TMED10: variants seen among roughly 807,000 people sequenced by gnomAD.
TMED10 encodes the protein transmembrane p24 trafficking protein 10.
A neutral mutation model predicts 23.1 loss-of-function variants in TMED10; 7 were observed. The observed-to-expected ratio is 0.30, with a 90% CI of 0.17 to 0.57. The LOEUF is 0.57. Ranked by LOEUF, TMED10 falls within the 20% of genes least tolerant of loss-of-function variation. The pLI, the probability that TMED10 is intolerant of heterozygous loss-of-function variation, is 0.91. For missense variants in TMED10, 162 were observed against 274.8 expected (o/e 0.59, Z 2.90); for synonymous variants, 113 against 106.9 (o/e 1.06, Z -0.35).
rs561296133 is a variant in TMED10, at chr14:75,154,328, G to A, written c.226-2185C>T. Reference sequence around the variant, plus strand: ...GAGGCAGGATAATCGCTTGAACCCGGGAGGCAGAAGTTGCGGTGAGCCGAG... The same window carrying A: ...GAGGCAGGATAATCGCTTGAACCCGAGAGGCAGAAGTTGCGGTGAGCCGAG... On this transcript the variant is annotated intron_variant, in intron 1 of 4. Coordinates refer to ENST00000303575, the MANE Select transcript of TMED10 (RefSeq NM_006827.6). 2.1e-5 allele frequency among the ~76,000 whole-genome samples: 3 copies of A among 139,676 alleles called. No homozygotes were observed. In the South Asian group the frequency reaches 7.0e-4, roughly 33 times the overall value. The allele number at this position is 139,676 out of a possible 152,430, so 91.6% of individuals were successfully genotyped here.
At chr14:75,141,422 A>C (rs1895821432) in intron 3 of TMED10, among the ~76,000 whole-genome samples, 1 of 152,192 alleles carries the variant, frequency 6.6e-6, no homozygotes, top group Non-Finnish European at 1.5e-5. Flanking sequence ...GGATAATAGC[A>C]AATAAAAGGC....
At chr14:75,164,780 G>A (rs1267661091) in intron 1 of TMED10, among the ~76,000 whole-genome samples, 3 of 147,612 alleles carry the variant, frequency 2.0e-5, no homozygotes, top group African/African-American at 7.6e-5. Flanking sequence ...GATAAATTGT[G>A]CTATGTTCAC....
intron 3 of TMED10, 92 bp downstream of exon 3, chr14:75,147,572 G>T: frequency 7.7e-7 from 1 of 1,301,610 alleles, no homozygotes; most frequent in Non-Finnish European, 1.1e-6. Flanking sequence ...ACAGCCCTTT[G>T]GGCAAAGCAC....
chr14:75,152,119 G>A lies in TMED10; in HGVS notation c.250C>T (p.Leu84Phe), dbSNP rs1044655604. The A allele has an allele frequency of 5.0e-6, 8 of 1,613,718 alleles. No individual in the cohort carries two copies. Among genetic ancestry groups the A allele is most frequent in the Middle Eastern group, 1.6e-4 (1 of 6,080 alleles). The change falls in exon 2 of 5, where the codon CTC (leucine) becomes TTC (phenylalanine). Residue 84 changes from leucine (L) to phenylalanine (F), a missense_variant. This residue lies in a region of TMED10 where 126 missense variants were observed against 239.5 expected (regional missense o/e 0.53). Transcript: ENST00000303575. Reference sequence around the variant, plus strand: ...TTGGTTGCATCCTCTTTGGAGTAGAGAATATGGCCAGCAGAATCTGTGATC... The same window carrying A: ...TTGGTTGCATCCTCTTTGGAGTAGAAAATATGGCCAGCAGAATCTGTGATC... ...LKITDSAGHI[L>F]YSKEDATKGK...
chr14:75,164,700 G>C (rs1051902008), intron 1 of TMED10, among the ~76,000 whole-genome samples: 1 of 145,954 alleles, frequency 6.9e-6, no homozygotes, highest in Admixed American at 7.2e-5. Flanking sequence ...TAGGATTACA[G>C]ACGTAAGCCA....
At chr14:75,166,976 C>CT (rs1212682636) in intron 1 of TMED10, among the ~76,000 whole-genome samples, 13 of 136,852 alleles carry the variant, frequency 9.5e-5, no homozygotes, top group African/African-American at 3.6e-4. Flanking sequence ...GAGTCTCACT[C>CT]TGTCGCCCAG....
rs781040862 is a variant in TMED10, at chr14:75,135,017, A to AT, written c.539-12_539-11insA. The AT allele has an allele frequency of 3.1e-6, 5 of 1,613,776 alleles. No homozygotes were observed. Among genetic ancestry groups the AT allele is most frequent in the Middle Eastern group, 1.6e-4 (1 of 6,062 alleles). On this transcript the variant is annotated splice_polypyrimidine_tract_variant and intron_variant, in intron 4 of 4. Coordinates refer to ENST00000303575, the MANE Select transcript of TMED10 (RefSeq NM_006827.6). ...GAGTGTTTGTTGACTCTAAAAAAAA[A>AT]CAAAAGCATTGTAAACATAATGAAG...
intron 3 of TMED10, among the ~76,000 whole-genome samples, chr14:75,142,637 C>T (rs1490165470): frequency 6.6e-6 from 1 of 152,162 alleles, no homozygotes; most frequent in African/African-American, 2.4e-5. Context: ...TATCCTGTCC[C>T]TCCACACTAG....
chr14:75,143,890 C>T (rs2139836941), intron 3 of TMED10, among the ~76,000 whole-genome samples: 1 of 147,690 alleles, frequency 6.8e-6, no homozygotes, highest in South Asian at 2.1e-4. Flanking sequence ...GCTAAGATCA[C>T]GCCACTGCAC....
intron 3 of TMED10, 96 bp from the exon 4 acceptor site, chr14:75,135,982 A>C: frequency 5.9e-6 from 9 of 1,519,620 alleles, no homozygotes; most frequent in Non-Finnish European, 8.0e-6. Flanking sequence ...AAGTTTCACC[A>C]GATTTAAATT....
intron 1 of TMED10, among the ~76,000 whole-genome samples, chr14:75,173,075 T>G (rs1896254843): frequency 6.6e-6 from 1 of 152,208 alleles, no homozygotes. Flanking sequence ...AAATCTGGTG[T>G]TCCTATTTCA....
chr14:75,158,079 A>G (rs545694076), intron 1 of TMED10, among the ~76,000 whole-genome samples: 156 of 152,332 alleles, frequency 1.0e-3, no homozygotes, highest in African/African-American at 3.5e-3. Context: ...AGTGGCCAAG[A>G]AAGACTAATA....
intron 1 of TMED10, among the ~76,000 whole-genome samples, chr14:75,167,990 G>T (rs1032249609): frequency 2.6e-5 from 4 of 152,150 alleles, no homozygotes; most frequent in Non-Finnish European, 5.9e-5. Flanking sequence ...TAGTTAGCCT[G>T]ATTTAGCCTC....
chr14:75,174,942 A>C (rs770701609), intron 1 of TMED10, among the ~76,000 whole-genome samples: 21 of 150,386 alleles, frequency 1.4e-4, no homozygotes, highest in Admixed American at 4.0e-4. Context: ...CGGAAGGCTG[A>C]GGCAGGAGAA....
chr14:75,134,172 TGTG>T lies in TMED10; in HGVS notation c.*710_*712del, dbSNP rs1895719955. 6.4e-6 allele frequency: 1 copy of T among 156,200 alleles called. No homozygotes were observed. 9.7% of individuals were successfully genotyped at this position (156,200 alleles called of 1,614,324 possible). ...CATGTGACAGAACTGTTCTGTCTCT[TGTG>T]ATGGTGGTCACATGAATCTACACAT... On this transcript the variant is annotated 3_prime_UTR_variant, in exon 5 of 5. Transcript: ENST00000303575.
chr14:75,174,219 G>A (rs1457871968), intron 1 of TMED10, among the ~76,000 whole-genome samples: 1 of 152,150 alleles, frequency 6.6e-6, no homozygotes, highest in Admixed American at 6.5e-5. Context: ...TAGTAAGTAG[G>A]TCAAGGCATA....
In TMED10 at chr14:75,134,838, G is replaced by A. The variant is rs1416224246; in HGVS notation, c.*47C>T. ...CTTAGGCCAGGCACGTCCCAGCGAT[G>A]TTCTGCTGGCTGAGGTACAAGGTGG... is the stretch of plus-strand genomic sequence containing the variant. On this transcript the variant is annotated 3_prime_UTR_variant, in exon 5 of 5. Coordinates refer to ENST00000303575, the MANE Select transcript of TMED10 (RefSeq NM_006827.6). 2.5e-6 allele frequency: 4 copies of A among 1,610,854 alleles called. No homozygotes were observed. In the South Asian group the frequency reaches 4.4e-5, roughly 18 times the overall value.
intron 1 of TMED10, among the ~76,000 whole-genome samples, chr14:75,173,025 C>T (rs930865754): frequency 6.6e-6 from 1 of 152,150 alleles, no homozygotes; most frequent in Admixed American, 6.5e-5. Context: ...AGTGCTGAAA[C>T]CTGGCTGATG....
chr14:75,163,223 C>T (rs971969987), intron 1 of TMED10, among the ~76,000 whole-genome samples: 3 of 151,976 alleles, frequency 2.0e-5, no homozygotes, highest in Non-Finnish European at 4.4e-5. Flanking sequence ...GCCTGGGTGA[C>T]AGAGCAAGAC....
Sources: allele counts gnomAD v4.1 joint callset (sites outside exome capture counted in the v4.1 genomes callset), GRCh38; gene constraint gnomAD v4.1.1; regional missense constraint gnomAD v4.1.1; transcripts MANE v1.5; gene names NCBI Gene and HGNC (gene_info 2026-07-23, HGNC 2026-07-21).